The following FXYD6 variants were observed in gnomAD, a reference collection of about 807,000 sequenced individuals.
The protein encoded by FXYD6 is FXYD domain containing ion transport regulator 6.
In FXYD6, 7 loss-of-function variants were observed where a neutral mutation model predicts 16.7. The observed-to-expected ratio is 0.42, with a 90% confidence interval of 0.24 to 0.79. The LOEUF is 0.79. Ranked by LOEUF, FXYD6 falls within the 30% of genes least tolerant of loss-of-function variation. The probability of loss-of-function intolerance (pLI) is 0.28; values close to 1 mark genes in which losing one functional copy is unlikely to be tolerated. For synonymous variants in FXYD6, 49 were observed against 43.0 expected, an observed-to-expected ratio of 1.14 and a Z score of -0.54; for missense variants, 111 against 116.2, an observed-to-expected ratio of 0.95 and a Z score of 0.21.
chr11:117,871,274 A>T (rs925142372), intron 1 of FXYD6, among the ~76,000 whole-genome samples: 1 of 152,184 alleles, frequency 6.6e-6, no homozygotes, highest in Non-Finnish European at 1.5e-5. Flanking sequence ...CGTGGTGTGC[A>T]CCGGCGTATG....
chr11:117,842,662 G>C (rs774586463), intron 2 of FXYD6, 57 bp downstream of exon 2: 1 of 1,519,470 alleles, frequency 6.6e-7, no homozygotes, highest in Non-Finnish European at 8.9e-7. Context: ...CCTTCCAGCA[G>C]AGAGGGCTGG....
At position 117,837,876 on chromosome 11, in the gene FXYD6, A is replaced by G; in HGVS notation, c.*423T>C. On this transcript the variant is annotated 3_prime_UTR_variant, in exon 8 of 8. Coordinates refer to ENST00000526014, the MANE Select transcript of FXYD6 (RefSeq NM_022003.4). The surrounding 1 kb of genome is among the most constrained non-coding windows in gnomAD (Gnocchi z 4.4). ...AGGGGGCTGGTCTCGGGCAACAAGC[A>G]GCCTCCTAGGAGCAGAAGGTGATGG... 3.2e-6 allele frequency: 1 copy of G among 317,140 alleles called. No homozygotes were observed. The highest frequency in any genetic ancestry group is 5.9e-6 in the Non-Finnish European group (1 of 168,444). The allele number at this position is 317,140 out of a possible 1,614,324, so 19.6% of individuals were successfully genotyped here.
In FXYD6 at chr11:117,837,475, G is replaced by A. The variant is rs1305677266; in HGVS notation, c.*824C>T. 6.5e-6 allele frequency: 1 copy of A among 152,758 alleles called. No individual in the cohort carries two copies. Among genetic ancestry groups the A allele is most frequent in the Non-Finnish European group, 1.5e-5 (1 of 68,162 alleles). The allele number at this position is 152,758 out of a possible 1,614,324, so 9.5% of individuals were successfully genotyped here. A position where few individuals can be genotyped will look rare whatever the true frequency, so the allele number is the denominator to read the frequency against. ...GGGGTAGGGTCCCAGAGCCCATGGA[G>A]TTATTGCTGAGAAGATATGCAGGGG... On this transcript the variant is annotated 3_prime_UTR_variant, in exon 8 of 8. Transcript: ENST00000526014. This position sits in a 1 kb window ranked among gnomAD's most constrained non-coding sequence, Gnocchi z 4.4.
intron 1 of FXYD6, among the ~76,000 whole-genome samples, chr11:117,858,444 T>C (rs1412975637): frequency 2.0e-5 from 3 of 151,978 alleles, no homozygotes; most frequent in Admixed American, 6.6e-5. Flanking sequence ...CTTTCTCCTC[T>C]CACCTTGGGT....
At chr11:117,858,693 TTCTTTCTTTC>T (rs1378614438) in intron 1 of FXYD6, among the ~76,000 whole-genome samples, 1,950 of 67,410 alleles carry the variant, frequency 0.029, 82 homozygotes, top group Admixed American at 0.034. Flanking sequence ...CTTTCTTTCT[TTCTTTCTTTC>T]TCTCTCTCTC....
chr11:117,842,241 C>T (rs561205084), intron 2 of FXYD6: 1 of 629,936 alleles, frequency 1.6e-6, no homozygotes, highest in Non-Finnish European at 2.8e-6. Context: ...GGCATCGAAA[C>T]TCAGTGAGGC....
intron 1 of FXYD6, among the ~76,000 whole-genome samples, chr11:117,855,345 C>T (rs1000410324): frequency 2.7e-5 from 4 of 145,810 alleles, no homozygotes; most frequent in African/African-American, 4.9e-5. Context: ...GTGGCGGGAG[C>T]GGGGAGGAGG....
intron 1 of FXYD6, among the ~76,000 whole-genome samples, chr11:117,857,512 G>A (rs978230116): frequency 5.3e-5 from 8 of 151,040 alleles, no homozygotes; most frequent in Non-Finnish European, 1.2e-4. Flanking sequence ...GGGTTCAAGC[G>A]ATTCTCCTGT....
chr11:117,843,798 G>A lies in FXYD6; in HGVS notation c.-5-1017C>T, dbSNP rs141288221. On this transcript the variant is annotated intron_variant, in intron 1 of 7. Transcript: ENST00000526014. The stretch of plus-strand genomic sequence containing the variant: ...CAGCCTCTGCTTCCCCAGAGGATGC[G>A]GAGGTCTCTGCTCAGGAGCTCATCA... 2.1e-3 allele frequency: 323 copies of A among 152,318 alleles called. 2 individuals carry two copies. The highest frequency in any genetic ancestry group is 7.4e-3 in the African/African-American group (308 of 41,556). 9.4% of individuals were successfully genotyped at this position (152,318 alleles called of 1,614,324 possible). A position where few individuals can be genotyped will look rare whatever the true frequency, so the allele number is the denominator to read the frequency against.
chr11:117,864,139 C>A (rs1402812394), intron 1 of FXYD6, among the ~76,000 whole-genome samples: 1 of 151,930 alleles, frequency 6.6e-6, no homozygotes, highest in Non-Finnish European at 1.5e-5. Flanking sequence ...CCTGGGTAGC[C>A]AAAAAAATCC....
chr11:117,864,983 A>G (rs2056985028), intron 1 of FXYD6, among the ~76,000 whole-genome samples: 1 of 152,232 alleles, frequency 6.6e-6, no homozygotes, highest in Non-Finnish European at 1.5e-5. Context: ...TTCAAATCAT[A>G]CATCTGCTAG....
upstream of FXYD6, chr11:117,876,849 C>T (rs187942527): frequency 6.6e-6 from 1 of 152,392 alleles, no homozygotes; most frequent in Non-Finnish European, 1.5e-5. Context: ...CAGACCCCCT[C>T]TCCTCCTCTC....
chr11:117,866,283 A>G (rs978877456), intron 1 of FXYD6, among the ~76,000 whole-genome samples: 5 of 152,150 alleles, frequency 3.3e-5, no homozygotes, highest in Non-Finnish European at 2.9e-5. Flanking sequence ...CTTAAAAATC[A>G]TAGTACATTT....
chr11:117,866,879 C>T (rs887758286), intron 1 of FXYD6, among the ~76,000 whole-genome samples: 12 of 152,188 alleles, frequency 7.9e-5, no homozygotes, highest in African/African-American at 2.9e-4. Flanking sequence ...CTGCAGATCA[C>T]CTTTTTTTCT....
At chr11:117,839,137 C>T (rs995042583) in intron 7 of FXYD6, 4 of 153,012 alleles carry the variant, frequency 2.6e-5, no homozygotes, top group African/African-American at 4.8e-5. Flanking sequence ...GCTATTCCCT[C>T]TCATCTTGGT....
chr11:117,873,729 G>A (rs2057190866), intron 1 of FXYD6, among the ~76,000 whole-genome samples: 1 of 152,222 alleles, frequency 6.6e-6, no homozygotes, highest in Admixed American at 6.5e-5. Context: ...GAGAGGAGGT[G>A]CTCTTATTTA....
intron 1 of FXYD6, among the ~76,000 whole-genome samples, chr11:117,846,722 G>A (rs887048128): frequency 6.6e-6 from 1 of 152,090 alleles, no homozygotes; most frequent in Non-Finnish European, 1.5e-5. Flanking sequence ...TGGGTCTCTT[G>A]GTCAATTTGT....
rs142653541 is a variant in FXYD6, at chr11:117,859,873, C to T, written c.-6+16719G>A. On this transcript the variant is annotated intron_variant, in intron 1 of 7. Coordinates refer to ENST00000526014, the MANE Select transcript of FXYD6 (RefSeq NM_022003.4). The stretch of plus-strand genomic sequence containing the variant: ...TGTTTTCATCCTTAGTCTGGTCGTA[C>T]GCTACTCAGATCCACGCTACAGCAA... 5.3e-3 allele frequency among the ~76,000 whole-genome samples: 808 copies of T among 152,274 alleles called. 6 individuals are homozygous for T. The highest frequency in any genetic ancestry group is 0.019 in the African/African-American group (781 of 41,520).
intron 1 of FXYD6, among the ~76,000 whole-genome samples, chr11:117,862,681 A>G (rs1236396246): frequency 6.6e-6 from 1 of 152,216 alleles, no homozygotes; most frequent in Non-Finnish European, 1.5e-5. Context: ...GGGCCCCTTC[A>G]GGGTATCTCT....
Sources: gnomAD v4.1 joint callset for allele counts (sites outside exome capture counted in the v4.1 genomes callset) on GRCh38, gnomAD v4.1.1 for gene constraint, Gnocchi (gnomAD v3.1) non-coding constraint, MANE v1.5 for transcripts, NCBI Gene and HGNC (gene_info 2026-07-23, HGNC 2026-07-21) for gene names.